TERB1: variants seen among roughly 807,000 people sequenced by gnomAD.
TERB1 encodes telomere repeat binding bouquet formation protein 1, also known as telomere repeats-binding bouquet formation protein 1.
TERB1 carries 63 observed loss-of-function variants against 92.3 expected under a neutral mutation model. The observed-to-expected ratio is 0.68, with a 90% CI of 0.56 to 0.84. The LOEUF (loss-of-function observed/expected upper bound fraction) is 0.84, where lower values mean the gene tolerates loss of function less well. Among genes scored for constraint, TERB1 ranks in the 40% least tolerant of loss-of-function variants. The pLI, the probability that TERB1 is intolerant of heterozygous loss-of-function variation, is 0.00. For synonymous variants in TERB1, 252 were observed against 283.9 expected (o/e 0.89, Z 1.13); for missense variants, 709 against 843.7 (o/e 0.84, Z 1.98).
intron 16 of TERB1, among the ~76,000 whole-genome samples, chr16:66,760,667 T>C (rs1423102634): frequency 8.0e-6 from 1 of 124,688 alleles, no homozygotes; most frequent in Non-Finnish European, 1.6e-5. Context: ...GTGCCTGTAG[T>C]CCCAGCTACT....
chr16:66,761,282 T>C (rs1222683198), intron 16 of TERB1, among the ~76,000 whole-genome samples: 1 of 147,908 alleles, frequency 6.8e-6, no homozygotes, highest in Non-Finnish European at 1.5e-5. Flanking sequence ...CAAAACCCCG[T>C]CTCTACTCAA....
Position 66,759,288 on chromosome 16 carries a change from A to G in TERB1, c.1783T>C (p.Cys595Arg). 6.6e-7 allele frequency: 1 copy of G among 1,525,056 alleles called. No individual in the cohort carries two copies. The highest frequency in any genetic ancestry group is 1.3e-5 in the South Asian group (1 of 78,906). The allele number at this position is 1,525,056 out of a possible 1,614,324, so 94.5% of individuals were successfully genotyped here. The change falls in exon 17 of 19, where the codon TGC becomes CGC. Residue 595 changes from cysteine (C) to arginine (R), a missense_variant and splice_region_variant. Transcript: ENST00000433154. Reference protein sequence around the residue: ...SEMLTYRCSGCIAVEKSLNSR... With the variant: ...SEMLTYRCSGRIAVEKSLNSR... ...TTCAGGGATTTTTCTACTGCTATGC[A>G]ACCTAAAAGAAAACAAATTAAAGTT...
intron 13 of TERB1, among the ~76,000 whole-genome samples, 194 bp from the exon 14 acceptor site, chr16:66,770,503 T>A (rs537041040): frequency 7.4e-4 from 112 of 152,120 alleles, no homozygotes; most frequent in Non-Finnish European, 1.4e-3. Flanking sequence ...TGGGTAGCCA[T>A]CTGGTGAAAA....
chr16:66,759,797 CAAAAAAAAAAA>C (rs762588462), intron 16 of TERB1, among the ~76,000 whole-genome samples: 1 of 30,802 alleles, frequency 3.2e-5, no homozygotes, highest in Non-Finnish European at 6.9e-5. Flanking sequence ...GACTCTGTCT[CAAAAAAAAAAA>C]AAAAAAAAAA....
At chr16:66,800,449 G>A (rs1411390556) in intron 2 of TERB1, among the ~76,000 whole-genome samples, 1 of 138,342 alleles carries the variant, frequency 7.2e-6, no homozygotes, top group Non-Finnish European at 1.5e-5. Context: ...GGAGTGCAGT[G>A]GCGCCATCTT....
intron 16 of TERB1, among the ~76,000 whole-genome samples, chr16:66,759,509 G>C (rs2018194015): frequency 6.6e-6 from 1 of 152,110 alleles, no homozygotes; most frequent in Non-Finnish European, 1.5e-5. Context: ...TTTAGAAAAA[G>C]AGCATCTAGG....
intron 11 of TERB1, among the ~76,000 whole-genome samples, chr16:66,776,176 A>G (rs1301843809): frequency 6.6e-6 from 1 of 151,938 alleles, no homozygotes; most frequent in East Asian, 2.0e-4. Flanking sequence ...CTAAAAATGC[A>G]TAATTAGCTG....
chr16:66,786,892 G>T (rs2018737339), intron 6 of TERB1, among the ~76,000 whole-genome samples: 1 of 152,162 alleles, frequency 6.6e-6, no homozygotes, highest in African/African-American at 2.4e-5. Flanking sequence ...CCAACACCCT[G>T]GGGGTTTGGG....
chr16:66,796,769 T>C lies in TERB1; in HGVS notation c.30A>G (p.Gln10=), dbSNP rs1446150925. 1 of 1,538,378 alleles carries C rather than the reference T, an allele frequency of 6.5e-7. No homozygotes were observed. Among genetic ancestry groups the C allele is most frequent in the East Asian group, 2.5e-5 (1 of 40,772 alleles). ...ATATATGATCCATCAATTTCTCACC[T>C]TGTGTTTTCTTTGTGTCTTCACTTT... MESEDTKKT[Q]EMKTDLNLLL... Residue 10 remains glutamine (Q), a splice_region_variant and synonymous_variant, in exon 3 of 19, where the codon CAA becomes CAG. Transcript: ENST00000433154.
chr16:66,800,418 T>G (rs1162238504), intron 2 of TERB1, among the ~76,000 whole-genome samples: 2 of 127,602 alleles, frequency 1.6e-5, no homozygotes, highest in Non-Finnish European at 3.2e-5. Context: ...TTTGAGACAG[T>G]CTGGCTCTGT....
At chr16:66,760,996 C>T (rs2145063912) in intron 16 of TERB1, among the ~76,000 whole-genome samples, 1 of 145,854 alleles carries the variant, frequency 6.9e-6, no homozygotes, top group African/African-American at 2.6e-5. Context: ...CCTGTAGTCC[C>T]AGCTACTTGG....
chr16:66,773,009 G>C (rs2018479607), intron 12 of TERB1, among the ~76,000 whole-genome samples: 1 of 152,040 alleles, frequency 6.6e-6, no homozygotes, highest in Non-Finnish European at 1.5e-5. Flanking sequence ...AACACCCTCA[G>C]GTACATGGAT....
intron 18 of TERB1, among the ~76,000 whole-genome samples, chr16:66,755,803 A>C (rs1343876773): frequency 6.6e-6 from 1 of 152,124 alleles, no homozygotes; most frequent in African/African-American, 2.4e-5. Flanking sequence ...AAAATAAAAA[A>C]CAGCTTACGT....
intron 10 of TERB1, 71 bp from the exon 11 acceptor site, chr16:66,777,405 T>G (rs1372672209): frequency 2.1e-6 from 2 of 947,976 alleles, no homozygotes; most frequent in Non-Finnish European, 3.0e-6. Flanking sequence ...ACTATGTATT[T>G]TTCAGAGTTT....
upstream of TERB1, chr16:66,801,613 C>T (rs1437182642): frequency 1.3e-5 from 2 of 152,288 alleles, no homozygotes; most frequent in Non-Finnish European, 2.9e-5. Context: ...GCCGACCAGG[C>T]TCACGTCCGT....
chr16:66,755,188 T>C (rs2018116929), intron 18 of TERB1, 25 bp from the exon 19 acceptor site: 4 of 1,393,982 alleles, frequency 2.9e-6, no homozygotes, highest in Middle Eastern at 2.3e-4. Context: ...GTAGAATATA[T>C]TAGTATTTGC....
intron 17 of TERB1, 74 bp downstream of exon 17, chr16:66,759,067 T>C (rs906664514): frequency 8.0e-7 from 1 of 1,254,772 alleles, no homozygotes; most frequent in Non-Finnish European, 1.1e-6. Flanking sequence ...TAGTTTTTAA[T>C]ATATTTAATG....
intron 11 of TERB1, 27 bp from the exon 12 acceptor site, chr16:66,775,270 TG>T: frequency 6.5e-7 from 1 of 1,534,372 alleles, no homozygotes; most frequent in Non-Finnish European, 8.8e-7. Context: ...AAGAGGACAA[TG>T]TTTTTTATCA....
chr16:66,759,802 A>G (rs1337506040), intron 16 of TERB1, among the ~76,000 whole-genome samples: 1 of 148,398 alleles, frequency 6.7e-6, no homozygotes, highest in South Asian at 2.2e-4. Context: ...TGTCTCAAAA[A>G]AAAAAAAAAA....
Sources: gnomAD v4.1 joint callset for allele counts (sites outside exome capture counted in the v4.1 genomes callset) on GRCh38, gnomAD v4.1.1 for gene constraint, MANE v1.5 for transcripts, NCBI Gene and HGNC (gene_info 2026-07-23, HGNC 2026-07-21) for gene names.